Variants in TFPI observed in about 807,000 individuals in gnomAD.
The protein encoded by TFPI is anti-convertin.
In TFPI, 15 loss-of-function variants were observed where a neutral mutation model predicts 34.6. The ratio of observed to expected loss-of-function variants is 0.43; its 90% CI spans 0.29 to 0.67. TFPI has a LOEUF of 0.67. Ranked by LOEUF, TFPI falls within the 30% of genes least tolerant of loss-of-function variation. The pLI is 0.15. For synonymous variants in TFPI, 105 were observed against 120.1 expected, an observed-to-expected ratio of 0.87 and a Z score of 0.82; for missense variants, 301 against 364.0, an observed-to-expected ratio of 0.83 and a Z score of 1.41.
chr2:187,485,906 T>G (rs2106020811), intron 4 of TFPI, among the ~76,000 whole-genome samples: 1 of 151,852 alleles, frequency 6.6e-6, no homozygotes, highest in South Asian at 2.1e-4. Context: ...GTAACCTTTT[T>G]TCATCTTAAA....
chr2:187,488,068 C>T (rs1693413878), intron 4 of TFPI, among the ~76,000 whole-genome samples: 1 of 151,294 alleles, frequency 6.6e-6, no homozygotes, highest in African/African-American at 2.4e-5. Flanking sequence ...CCTCCTCTGA[C>T]AAATATAATG....
At chr2:187,521,955 C>G (rs1361434843) in intron 1 of TFPI, among the ~76,000 whole-genome samples, 2 of 152,064 alleles carry the variant, frequency 1.3e-5, no homozygotes, top group Non-Finnish European at 2.9e-5. Context: ...AAACTGATAT[C>G]TCATTATTAT....
At chr2:187,472,778 G>A (rs1357699695) in intron 6 of TFPI, among the ~76,000 whole-genome samples, 2 of 152,162 alleles carry the variant, frequency 1.3e-5, no homozygotes, top group East Asian at 1.9e-4. Context: ...TTGGGAGGCC[G>A]AGGTGAGTGG....
rs1203958394 is a variant in TFPI at position 187,554,244 on chromosome 2, C to T, written c.-47G>A. ...AGTTCTTGGAATGTTTTTTTCAAAACGGAGTTGAGGTTATTTTGTTTTTCC... is the reference window on the plus strand; with the variant it reads ...AGTTCTTGGAATGTTTTTTTCAAAATGGAGTTGAGGTTATTTTGTTTTTCC... On this transcript the variant is annotated 5_prime_UTR_variant, in exon 1 of 8. Coordinates refer to ENST00000233156, the MANE Select transcript of TFPI (RefSeq NM_006287.6). 3 of 151,866 alleles carry T rather than the reference C, an allele frequency of 2.0e-5. No homozygotes were observed. The highest frequency in any genetic ancestry group is 4.4e-5 in the Non-Finnish European group (3 of 67,974). The allele number at this position is 151,866 out of a possible 1,614,324, so 9.4% of individuals were successfully genotyped here. A position where few individuals can be genotyped will look rare whatever the true frequency, so the allele number is the denominator to read the frequency against.
chr2:187,525,917 G>A (rs958946919), intron 1 of TFPI, among the ~76,000 whole-genome samples: 27 of 151,912 alleles, frequency 1.8e-4, no homozygotes, highest in African/African-American at 4.4e-4. Context: ...TATCAGTTCC[G>A]TAACTTACTA....
intron 3 of TFPI, among the ~76,000 whole-genome samples, chr2:187,494,012 G>A (rs1685295094): frequency 6.6e-6 from 1 of 152,060 alleles, no homozygotes; most frequent in Non-Finnish European, 1.5e-5. Flanking sequence ...TATCTTTCCA[G>A]CAACACCCCA....
intron 6 of TFPI, chr2:187,478,495 C>T: frequency 1.1e-6 from 1 of 911,816 alleles, no homozygotes; most frequent in South Asian, 3.1e-5. Flanking sequence ...TCAAAAGACT[C>T]ACAACTAGCA....
At chr2:187,481,462 C>G (rs1405085877) in intron 6 of TFPI, among the ~76,000 whole-genome samples, 1 of 152,014 alleles carries the variant, frequency 6.6e-6, no homozygotes, top group Non-Finnish European at 1.5e-5. Flanking sequence ...GGTTTTAGAA[C>G]AGAGTACAGG....
At chr2:187,470,629 A>G (rs932706732) in intron 6 of TFPI, among the ~76,000 whole-genome samples, 1 of 152,156 alleles carries the variant, frequency 6.6e-6, no homozygotes, top group African/African-American at 2.4e-5. Context: ...CAGTCATCCA[A>G]CAAGGCCTGC....
intron 1 of TFPI, among the ~76,000 whole-genome samples, chr2:187,511,477 C>T (rs1686629298): frequency 6.6e-6 from 1 of 151,910 alleles, no homozygotes; most frequent in African/African-American, 2.4e-5. Context: ...TGTTTTGTCT[C>T]GAGGAAGCAT....
intron 1 of TFPI, among the ~76,000 whole-genome samples, chr2:187,504,232 C>T (rs1574445745): frequency 6.6e-6 from 1 of 152,080 alleles, no homozygotes; most frequent in East Asian, 1.9e-4. Context: ...TTTCCCTCTG[C>T]TCTAGTTCTT....
intron 6 of TFPI, among the ~76,000 whole-genome samples, chr2:187,471,580 T>C (rs1482343550): frequency 4.6e-5 from 7 of 152,102 alleles, no homozygotes; most frequent in African/African-American, 9.7e-5. Context: ...ATGCATTCTG[T>C]CTTGATTCTG....
chr2:187,488,969 C>T (rs1693502531), intron 3 of TFPI, among the ~76,000 whole-genome samples: 1 of 151,372 alleles, frequency 6.6e-6, no homozygotes, highest in African/African-American at 2.4e-5. Flanking sequence ...CTTTGTCCTA[C>T]CATATTCCAA....
chr2:187,548,570 T>C (rs1437057695), intron 1 of TFPI, among the ~76,000 whole-genome samples: 11 of 152,108 alleles, frequency 7.2e-5, no homozygotes, highest in Non-Finnish European at 2.9e-5. Context: ...AAAAGAGGTT[T>C]CCAGCACCTA....
rs187833955 is a variant in TFPI at position 187,553,503 on chromosome 2, T to C, written c.-3+697A>G. On this transcript the variant is annotated intron_variant, in intron 1 of 7. Coordinates refer to ENST00000233156, the MANE Select transcript of TFPI (RefSeq NM_006287.6). ...TTGTTTACTGCTGTATTATATGCTT[T>C]CATTTTTCACTAGAAGCAAACATTT... Among the ~76,000 whole-genome samples the C allele has an allele frequency of 2.0e-5, 3 of 152,292 alleles. No individual in the cohort carries two copies. The East Asian group carries it at 5.8e-4, about 29-fold the overall frequency.
intron 1 of TFPI, chr2:187,518,818 C>T (rs766185222): frequency 3.3e-5 from 5 of 152,168 alleles, no homozygotes; most frequent in Admixed American, 6.5e-5. Flanking sequence ...TCTCATGTTT[C>T]TTAGAGGCTT....
chr2:187,492,914 A>G (rs1238852689), intron 3 of TFPI, among the ~76,000 whole-genome samples: 3 of 152,146 alleles, frequency 2.0e-5, no homozygotes, highest in Admixed American at 1.3e-4. Flanking sequence ...TTGGGGGACT[A>G]TTGGGAAGGC....
At position 187,467,784 on chromosome 2, in the gene TFPI, G is replaced by A; in HGVS notation, c.777C>T (p.Ser259=). The A allele has an allele frequency of 6.2e-7, 1 of 1,610,312 alleles. No homozygotes were observed. The highest frequency in any genetic ancestry group is 8.5e-7 in the Non-Finnish European group (1 of 1,178,388). The change falls in exon 7 of 8, where the codon TCC becomes TCT. Residue 259 remains serine, a synonymous_variant. Coordinates refer to ENST00000233156, the MANE Select transcript of TFPI (RefSeq NM_006287.6). The part of the protein sequence containing the change: ...GCGGNENNFT[S]KQECLRACKK... ...TACATGCCCTCAGACATTCTTGTTT[G>A]GAAGTAAAATTGTTTTCATTTCCCC...
At chr2:187,523,210 C>G (rs1165168062) in intron 1 of TFPI, among the ~76,000 whole-genome samples, 1 of 151,982 alleles carries the variant, frequency 6.6e-6, no homozygotes, top group Non-Finnish European at 1.5e-5. Flanking sequence ...AAATAAGGAA[C>G]CAACTTTGTT....
Sources: allele counts gnomAD v4.1 joint callset (sites outside exome capture counted in the v4.1 genomes callset), GRCh38; gene constraint gnomAD v4.1.1; transcripts MANE v1.5; gene names NCBI Gene and HGNC (gene_info 2026-07-23, HGNC 2026-07-21).